Variants in NRG3 observed in about 807,000 individuals in gnomAD.
NRG3 encodes the protein pro-neuregulin-3, membrane-bound isoform.
Under a neutral mutation model 66.9 loss-of-function variants are expected in NRG3, and 31 were observed. That is an observed-to-expected ratio of 0.46 (90% confidence interval 0.35 to 0.63). The LOEUF is 0.63. Ranked by LOEUF, NRG3 falls within the 20% of genes least tolerant of loss-of-function variation. The pLI is 0.00. For synonymous variants in NRG3, 393 were observed against 359.4 expected, an observed-to-expected ratio of 1.09 and a Z score of -1.06; for missense variants, 910 against 878.9, an observed-to-expected ratio of 1.04 and a Z score of -0.45.
intron 1 of NRG3, among the ~76,000 whole-genome samples, chr10:82,177,648 G>A (rs1451941885): frequency 3.3e-5 from 5 of 152,052 alleles, no homozygotes; most frequent in African/African-American, 7.2e-5. Flanking sequence ...ATCACAGCTC[G>A]CTGCCACTTC....
At chr10:82,367,705 A>G (rs1276360150) in intron 2 of NRG3, among the ~76,000 whole-genome samples, 1 of 152,094 alleles carries the variant, frequency 6.6e-6, no homozygotes, top group Non-Finnish European at 1.5e-5. Flanking sequence ...CAAATTATAC[A>G]TATTCTTGAC....
intron 1 of NRG3, among the ~76,000 whole-genome samples, chr10:82,286,768 A>G (rs1034830506): frequency 2.0e-5 from 3 of 152,000 alleles, no homozygotes; most frequent in Non-Finnish European, 4.4e-5. Flanking sequence ...TTGTATTTTT[A>G]GTAGAGATGG....
intron 1 of NRG3, among the ~76,000 whole-genome samples, chr10:81,978,447 A>C (rs1589666096): frequency 6.6e-6 from 1 of 152,184 alleles, no homozygotes; most frequent in South Asian, 2.1e-4. Flanking sequence ...TCTTTGCTTC[A>C]AGATAGCCAA....
chr10:82,061,105 C>T (rs1484772546), intron 1 of NRG3, among the ~76,000 whole-genome samples: 2 of 152,192 alleles, frequency 1.3e-5, no homozygotes, highest in Admixed American at 1.3e-4. Flanking sequence ...GTAATGCCAG[C>T]ACTTTGGGAG....
At chr10:82,804,382 G>A in intron 3 of NRG3, among the ~76,000 whole-genome samples, 1 of 152,142 alleles carries the variant, frequency 6.6e-6, no homozygotes, top group East Asian at 1.9e-4. Flanking sequence ...CATGATAAGG[G>A]CTTAATTAAG....
chr10:82,736,359 T>A (rs1002668067), intron 2 of NRG3, among the ~76,000 whole-genome samples: 5 of 151,882 alleles, frequency 3.3e-5, no homozygotes, highest in African/African-American at 1.2e-4. Context: ...TTTGGATGAG[T>A]GTGAACTTAT....
intron 3 of NRG3, among the ~76,000 whole-genome samples, chr10:82,788,257 C>A (rs2060449743): frequency 6.6e-6 from 1 of 152,060 alleles, no homozygotes; most frequent in Non-Finnish European, 1.5e-5. Flanking sequence ...AGATCTTATA[C>A]AGGTAAATAG....
At chr10:82,713,256 G>T (rs2056784553) in intron 2 of NRG3, among the ~76,000 whole-genome samples, 1 of 151,900 alleles carries the variant, frequency 6.6e-6, no homozygotes, top group Admixed American at 6.6e-5. Context: ...TTGCTCTCAA[G>T]AGTAAGATAA....
chr10:81,987,418 A>C (rs1208045878), intron 1 of NRG3, among the ~76,000 whole-genome samples: 2 of 152,286 alleles, frequency 1.3e-5, no homozygotes, highest in East Asian at 3.9e-4. Flanking sequence ...ACAGAAATAA[A>C]ACCTTTATTT....
At chr10:82,414,889 T>A (rs984077914) in intron 2 of NRG3, among the ~76,000 whole-genome samples, 2 of 152,196 alleles carry the variant, frequency 1.3e-5, no homozygotes, top group East Asian at 3.9e-4. Context: ...GAACTCCTTC[T>A]TTCTGAAAAC....
intron 2 of NRG3, among the ~76,000 whole-genome samples, chr10:82,410,960 G>T (rs1177585934): frequency 6.6e-6 from 1 of 152,050 alleles, no homozygotes; most frequent in East Asian, 1.9e-4. Flanking sequence ...CTTATCACCA[G>T]ATACAAAGGT....
intron 3 of NRG3, among the ~76,000 whole-genome samples, chr10:82,821,985 C>A (rs1442368700): frequency 6.6e-6 from 1 of 152,110 alleles, no homozygotes; most frequent in Non-Finnish European, 1.5e-5. Flanking sequence ...TTGCAAAAGG[C>A]AGAACTGGAT....
chr10:82,878,433 A>G (rs1017488052), intron 4 of NRG3, among the ~76,000 whole-genome samples: 3 of 152,230 alleles, frequency 2.0e-5, no homozygotes, highest in Non-Finnish European at 4.4e-5. Context: ...AGCTAATGGA[A>G]CAAACTTGGG....
At chr10:82,100,848 C>T (rs1419446188) in intron 1 of NRG3, among the ~76,000 whole-genome samples, 2 of 133,508 alleles carry the variant, frequency 1.5e-5, no homozygotes, top group African/African-American at 2.6e-5. Context: ...ATGCCTTTGT[C>T]CTTTTTTATT....
At chr10:82,366,176 C>T (rs957055509) in intron 2 of NRG3, among the ~76,000 whole-genome samples, 6 of 151,932 alleles carry the variant, frequency 3.9e-5, no homozygotes, top group Non-Finnish European at 8.8e-5. Context: ...AATAGTTGCC[C>T]CAAAAGGCCA....
chr10:82,738,712 GGTT>G, intron 3 of NRG3, 62 bp downstream of exon 3: 2 of 1,361,040 alleles, frequency 1.5e-6, no homozygotes, highest in East Asian at 4.6e-5. Context: ...TCTGAGCAAT[GGTT>G]GTTAACTCAG....
intron 1 of NRG3, among the ~76,000 whole-genome samples, chr10:81,980,340 G>C (rs960703935): frequency 6.6e-6 from 1 of 152,060 alleles, no homozygotes; most frequent in African/African-American, 2.4e-5. Context: ...CAGTCGTCTT[G>C]TCAGTTAATG....
intron 1 of NRG3, among the ~76,000 whole-genome samples, chr10:82,119,399 T>A (rs985845781): frequency 6.6e-6 from 1 of 152,172 alleles, no homozygotes; most frequent in Non-Finnish European, 1.5e-5. Flanking sequence ...TATAAAATGA[T>A]GGAAGGTTTT....
chr10:82,720,848 A>C, intron 2 of NRG3, among the ~76,000 whole-genome samples: 1 of 95,912 alleles, frequency 1.0e-5, no homozygotes, highest in South Asian at 2.9e-4. Context: ...TATATCACCC[A>C]TCACTTGATT....
Sources: allele counts gnomAD v4.1 joint callset (sites outside exome capture counted in the v4.1 genomes callset), GRCh38; gene constraint gnomAD v4.1.1; transcripts MANE v1.5; gene names NCBI Gene and HGNC (gene_info 2026-07-23, HGNC 2026-07-21).